DGKB: variants seen among roughly 807,000 people sequenced by gnomAD.
DGKB encodes the protein diacylglycerol kinase beta, also known as 90 kDa diacylglycerol kinase.
In DGKB, 67 loss-of-function variants were observed where a neutral mutation model predicts 114.3. The observed-to-expected ratio is 0.59, with a 90% CI of 0.48 to 0.72. The LOEUF is 0.72. Among genes scored for constraint, DGKB ranks in the 30% least tolerant of loss-of-function variants. The pLI is 0.00. For synonymous variants in DGKB, 398 were observed against 323.1 expected, an observed-to-expected ratio of 1.23 and a Z score of -2.49; for missense variants, 907 against 975.2, an observed-to-expected ratio of 0.93 and a Z score of 0.93.
chr7:14,779,174 T>C (rs1036572333), intron 2 of DGKB, among the ~76,000 whole-genome samples: 3 of 151,964 alleles, frequency 2.0e-5, no homozygotes, highest in African/African-American at 7.2e-5. Context: ...ATAAATAAAA[T>C]ATGAAAAGTT....
intron 21 of DGKB, among the ~76,000 whole-genome samples, chr7:14,409,330 T>C (rs1041747380): frequency 6.6e-6 from 1 of 152,046 alleles, no homozygotes; most frequent in Admixed American, 6.6e-5. Flanking sequence ...CCATAAACCT[T>C]GAATAATATC....
chr7:14,173,181 T>C (rs1461398635), intron 25 of DGKB, among the ~76,000 whole-genome samples: 1 of 152,214 alleles, frequency 6.6e-6, no homozygotes, highest in African/African-American at 2.4e-5. Context: ...TGACAGAATC[T>C]AGATGGTCCT....
intron 23 of DGKB, among the ~76,000 whole-genome samples, chr7:14,284,068 T>C (rs1255323787): frequency 6.6e-6 from 1 of 151,868 alleles, no homozygotes; most frequent in Non-Finnish European, 1.5e-5. Context: ...ACCATCAGAG[T>C]GAACAGGCAA....
intron 13 of DGKB, among the ~76,000 whole-genome samples, chr7:14,658,528 T>C (rs1307766074): frequency 6.6e-6 from 1 of 151,856 alleles, no homozygotes; most frequent in East Asian, 1.9e-4. Flanking sequence ...AGAATGACGA[T>C]AGTTTCACAC....
At chr7:14,739,592 G>A (rs1397761253) in intron 4 of DGKB, among the ~76,000 whole-genome samples, 1 of 152,150 alleles carries the variant, frequency 6.6e-6, no homozygotes, top group Non-Finnish European at 1.5e-5. Context: ...AGATTTAGCT[G>A]AATTAAGAAG....
intron 23 of DGKB, among the ~76,000 whole-genome samples, chr7:14,325,966 G>C (rs1808635215): frequency 6.6e-6 from 1 of 151,886 alleles, no homozygotes; most frequent in South Asian, 2.1e-4. Context: ...AATGTATTGA[G>C]CTGTAAAAAT....
At chr7:14,762,362 C>T (rs1489697161) in intron 2 of DGKB, among the ~76,000 whole-genome samples, 3 of 152,020 alleles carry the variant, frequency 2.0e-5, no homozygotes, top group Non-Finnish European at 2.9e-5. Context: ...CTTCTCATTT[C>T]GGCTGAGTCA....
intron 23 of DGKB, among the ~76,000 whole-genome samples, chr7:14,326,740 C>T (rs1393819458): frequency 6.6e-6 from 1 of 152,110 alleles, no homozygotes; most frequent in Non-Finnish European, 1.5e-5. Context: ...AAAAACACCC[C>T]TGAACCCGCC....
chr7:14,613,093 G>T (rs766790996), intron 16 of DGKB, among the ~76,000 whole-genome samples: 1 of 152,050 alleles, frequency 6.6e-6, no homozygotes, highest in African/African-American at 2.4e-5. Flanking sequence ...GGGGATAGGG[G>T]TGATAGGTGG....
intron 1 of DGKB, among the ~76,000 whole-genome samples, chr7:14,954,008 T>C (rs1786356098): frequency 6.6e-6 from 1 of 152,072 alleles, no homozygotes; most frequent in Non-Finnish European, 1.5e-5. Flanking sequence ...CCCAGCAATT[T>C]GTGTTTTACT....
intron 1 of DGKB, among the ~76,000 whole-genome samples, chr7:14,966,008 A>G (rs1787125543): frequency 6.6e-6 from 1 of 152,110 alleles, no homozygotes; most frequent in African/African-American, 2.4e-5. Context: ...GAATAGGTTT[A>G]TTGACAATAA....
intron 21 of DGKB, among the ~76,000 whole-genome samples, chr7:14,458,111 T>C (rs1202206429): frequency 6.6e-6 from 1 of 152,190 alleles, no homozygotes; most frequent in East Asian, 1.9e-4. Flanking sequence ...TTTCTCTTTC[T>C]GGAATTAGGA....
At chr7:14,240,193 C>G (rs1411803842) in intron 23 of DGKB, among the ~76,000 whole-genome samples, 1 of 151,878 alleles carries the variant, frequency 6.6e-6, no homozygotes, top group Non-Finnish European at 1.5e-5. Flanking sequence ...ACTTTTATGT[C>G]TCTGTTAAAT....
chr7:14,234,757 G>A (rs764941782), intron 23 of DGKB, among the ~76,000 whole-genome samples: 4 of 151,922 alleles, frequency 2.6e-5, no homozygotes, highest in Non-Finnish European at 5.9e-5. Context: ...GGTGATGTAG[G>A]GGGAGTATTC....
intron 1 of DGKB, among the ~76,000 whole-genome samples, chr7:14,946,862 T>C (rs57747116): frequency 0.04 from 6,039 of 151,900 alleles, 350 homozygotes; most frequent in African/African-American, 0.13. Flanking sequence ...TTATATTATA[T>C]TTGACATTGT....
At chr7:14,515,391 G>C (rs1042267138) in intron 20 of DGKB, among the ~76,000 whole-genome samples, 5 of 152,140 alleles carry the variant, frequency 3.3e-5, no homozygotes, top group Non-Finnish European at 5.9e-5. Flanking sequence ...TTTGCATTGA[G>C]ATGGATTGTA....
At chr7:14,953,869 A>C (rs564299284) in intron 1 of DGKB, among the ~76,000 whole-genome samples, 14 of 152,232 alleles carry the variant, frequency 9.2e-5, no homozygotes, top group African/African-American at 3.4e-4. Flanking sequence ...TGTTTATGAG[A>C]GCACCACTGG....
chr7:14,240,097 T>A (rs1398847012), intron 23 of DGKB, among the ~76,000 whole-genome samples: 2 of 152,084 alleles, frequency 1.3e-5, no homozygotes, highest in Non-Finnish European at 2.9e-5. Context: ...GAGGCACATA[T>A]ATGTTCTGTA....
At chr7:14,743,982 G>A (rs1586160081) in intron 4 of DGKB, among the ~76,000 whole-genome samples, 2 of 152,144 alleles carry the variant, frequency 1.3e-5, no homozygotes, top group Non-Finnish European at 1.5e-5. Context: ...AAACATTCAC[G>A]AATATCAAGC....
Sources: gnomAD v4.1 joint callset for allele counts (sites outside exome capture counted in the v4.1 genomes callset) on GRCh38, gnomAD v4.1.1 for gene constraint, MANE v1.5 for transcripts, NCBI Gene and HGNC (gene_info 2026-07-23, HGNC 2026-07-21) for gene names.